The following FOXN3 variants were observed in gnomAD, a reference collection of about 807,000 sequenced individuals.
FOXN3 encodes forkhead box N3, also known as forkhead box protein N3.
In FOXN3, 7 loss-of-function variants were observed where a neutral mutation model predicts 38.4. That is an observed-to-expected ratio of 0.18 (90% confidence interval 0.10 to 0.34). FOXN3 has a LOEUF of 0.34. Ranked by LOEUF, FOXN3 falls within the 10% of genes least tolerant of loss-of-function variation. The pLI, the probability that FOXN3 is intolerant of heterozygous loss-of-function variation, is 1.00. For missense variants in FOXN3, 456 were observed against 613.4 expected (o/e 0.74, Z 2.71); for synonymous variants, 230 against 242.2 (o/e 0.95, Z 0.47).
At chr14:89,363,990 T>TATATATA (rs1890046697) in intron 2 of FOXN3, among the ~76,000 whole-genome samples, 19 of 76,818 alleles carry the variant, frequency 2.5e-4, no homozygotes, top group African/African-American at 1.2e-3. Flanking sequence ...ATATATATAA[T>TATATATA]ATATATATAT....
intron 2 of FOXN3, among the ~76,000 whole-genome samples, chr14:89,370,711 ATTC>A (rs1360116673): frequency 6.6e-6 from 1 of 152,216 alleles, no homozygotes; most frequent in African/African-American, 2.4e-5. Context: ...GCCCAGTGTC[ATTC>A]TTCTGGAATT....
In FOXN3 at chr14:89,161,661, G is replaced by A. The variant is rs1887109633; in HGVS notation, c.*753C>T. On this transcript the variant is annotated 3_prime_UTR_variant, in exon 6 of 6. Transcript: ENST00000557258. ...TGGAACATTTTCTTAATTTAATAGA[G>A]AACAGAATTCAATGATTAGCAACAT... 6.6e-6 allele frequency: 1 copy of A among 151,572 alleles called. No homozygotes were observed. Among genetic ancestry groups the A allele is most frequent in the Non-Finnish European group, 1.5e-5 (1 of 68,010 alleles). The allele number at this position is 151,572 out of a possible 1,614,324, so 9.4% of individuals were successfully genotyped here.
intron 2 of FOXN3, among the ~76,000 whole-genome samples, chr14:89,370,094 A>G (rs987594253): frequency 2.0e-5 from 3 of 152,118 alleles, no homozygotes; most frequent in Admixed American, 6.5e-5. Context: ...GTTTTCTTTA[A>G]TTATTCATTT....
At chr14:89,432,291 AAC>A (rs1892175649) in intron 1 of FOXN3, among the ~76,000 whole-genome samples, 1 of 152,148 alleles carries the variant, frequency 6.6e-6, no homozygotes, top group African/African-American at 2.4e-5. Flanking sequence ...TGACGGCCCT[AAC>A]ACCACCCTGC....
At chr14:89,347,272 C>T (rs572143299) in intron 3 of FOXN3, among the ~76,000 whole-genome samples, 19 of 152,252 alleles carry the variant, frequency 1.2e-4, no homozygotes, top group South Asian at 1.0e-3. Context: ...TGTGTCCTTA[C>T]AAGAAGGGAA....
intron 3 of FOXN3, among the ~76,000 whole-genome samples, chr14:89,311,213 G>C (rs905431451): frequency 3.8e-4 from 58 of 151,148 alleles, no homozygotes; most frequent in African/African-American, 1.4e-3. Flanking sequence ...GTATCGGGCC[G>C]GTGCGGTGGC....
At chr14:89,469,720 T>C (rs1432758373) in intron 1 of FOXN3, among the ~76,000 whole-genome samples, 1 of 151,964 alleles carries the variant, frequency 6.6e-6, no homozygotes, top group Non-Finnish European at 1.5e-5. Flanking sequence ...GAGAGTGAGG[T>C]CTAGGTGATG....
At chr14:89,167,742 T>C (rs138324254) in intron 5 of FOXN3, among the ~76,000 whole-genome samples, 210 of 152,328 alleles carry the variant, frequency 1.4e-3, no homozygotes, top group African/African-American at 4.9e-3. Context: ...CAGAGACCCA[T>C]AGAGACATAC....
At chr14:89,316,151 T>C (rs907960628) in intron 3 of FOXN3, among the ~76,000 whole-genome samples, 4 of 152,268 alleles carry the variant, frequency 2.6e-5, no homozygotes, top group East Asian at 1.9e-4. Context: ...GTATTGTGTA[T>C]TGGGGCTTGC....
At chr14:89,423,941 A>G (rs1188169258) in intron 1 of FOXN3, among the ~76,000 whole-genome samples, 1 of 152,232 alleles carries the variant, frequency 6.6e-6, no homozygotes, top group Admixed American at 6.5e-5. Flanking sequence ...GGAAGAGGCA[A>G]TAAACCCCAG....
At chr14:89,301,962 G>A (rs762627274) in intron 3 of FOXN3, among the ~76,000 whole-genome samples, 1 of 151,990 alleles carries the variant, frequency 6.6e-6, no homozygotes, top group African/African-American at 2.4e-5. Flanking sequence ...CTCACCACCT[G>A]TACCAACCTT....
chr14:89,163,941 G>T lies in FOXN3; in HGVS notation c.852-972C>A, dbSNP rs1013250097. Among the ~76,000 whole-genome samples the T allele has an allele frequency of 4.6e-5, 7 of 152,210 alleles. No individual in the cohort carries two copies. The highest frequency in any genetic ancestry group is 2.6e-4 in the Admixed American group (4 of 15,280). On this transcript the variant is annotated intron_variant, in intron 5 of 5. Coordinates refer to ENST00000557258, the MANE Select transcript of FOXN3 (RefSeq NM_005197.4). The surrounding 1 kb of genome is among the most constrained non-coding windows in gnomAD (Gnocchi z 4.3). Reference sequence around the variant, plus strand: ...TCCCTGCTACCCATGCCTATAAGGCGTCTGTAGCACTCATCACACCTCTGA... The same window carrying T: ...TCCCTGCTACCCATGCCTATAAGGCTTCTGTAGCACTCATCACACCTCTGA...
chr14:89,313,292 G>A (rs1447992938), intron 3 of FOXN3, among the ~76,000 whole-genome samples: 4 of 152,192 alleles, frequency 2.6e-5, no homozygotes, highest in African/African-American at 7.2e-5. Flanking sequence ...ACTGCCGGGC[G>A]CAGCGGCTCA....
intron 3 of FOXN3, among the ~76,000 whole-genome samples, chr14:89,323,552 C>T (rs1354104423): frequency 1.3e-5 from 2 of 151,844 alleles, no homozygotes; most frequent in African/African-American, 4.8e-5. Context: ...AACCCCGTCT[C>T]TACTAAAAAT....
At position 89,158,872 on chromosome 14, in the gene FOXN3, C is replaced by T. The variant is rs370725366; in HGVS notation, c.*3542G>A. On this transcript the variant is annotated 3_prime_UTR_variant, in exon 6 of 6. Transcript: ENST00000557258. ...CTATAGTTCCCCGTTTCCCCCTCCC[C>T]CCTGCCCCGTGTGAGTATGTGAGAT... The T allele has an allele frequency of 6.6e-6, 1 of 152,324 alleles. No homozygotes were observed. Among genetic ancestry groups the T allele is most frequent in the African/African-American group, 2.4e-5 (1 of 41,300 alleles). The allele number at this position is 152,324 out of a possible 1,614,324, so 9.4% of individuals were successfully genotyped here. A position where few individuals can be genotyped will look rare whatever the true frequency, so the allele number is the denominator to read the frequency against.
At chr14:89,454,664 A>C (rs1232648104) in intron 1 of FOXN3, among the ~76,000 whole-genome samples, 1 of 152,232 alleles carries the variant, frequency 6.6e-6, no homozygotes, top group Non-Finnish European at 1.5e-5. Context: ...CACATAATGG[A>C]AACTACAGCT....
At chr14:89,315,564 C>G (rs746772157) in intron 3 of FOXN3, among the ~76,000 whole-genome samples, 4 of 152,154 alleles carry the variant, frequency 2.6e-5, no homozygotes, top group Non-Finnish European at 5.9e-5. Flanking sequence ...AGAATGTTGT[C>G]CACAGCACGG....
intron 3 of FOXN3, among the ~76,000 whole-genome samples, chr14:89,335,134 A>G (rs1888410392): frequency 6.6e-6 from 1 of 151,446 alleles, no homozygotes; most frequent in Non-Finnish European, 1.5e-5. Flanking sequence ...AATGGTAACT[A>G]TATGAGGTAA....
intron 3 of FOXN3, among the ~76,000 whole-genome samples, chr14:89,321,545 C>G (rs1887896499): frequency 1.3e-5 from 2 of 152,008 alleles, no homozygotes; most frequent in South Asian, 4.2e-4. Flanking sequence ...CCACTGCACT[C>G]CAGCATGGGT....
Sources: allele counts gnomAD v4.1 joint callset (sites outside exome capture counted in the v4.1 genomes callset), GRCh38; gene constraint gnomAD v4.1.1; non-coding constraint Gnocchi (gnomAD v3.1); transcripts MANE v1.5; gene names NCBI Gene and HGNC (gene_info 2026-07-23, HGNC 2026-07-21).